The following ZNF407 variants were observed in gnomAD, a reference collection of about 807,000 sequenced individuals.
ZNF407 encodes zinc finger protein 407.
In ZNF407, 17 loss-of-function variants were observed where a neutral mutation model predicts 131.2. The observed-to-expected ratio is 0.13, with a 90% confidence interval of 0.09 to 0.19. ZNF407 has a LOEUF of 0.19. ZNF407 is among the 10% of genes least tolerant of loss of function. ZNF407 has a pLI of 1.00. For synonymous variants in ZNF407, 1,156 were observed against 1,062.0 expected, an observed-to-expected ratio of 1.09 and a Z score of -1.72; for missense variants, 2,681 against 2,830.6, an observed-to-expected ratio of 0.95 and a Z score of 1.20.
At chr18:74,749,494 C>G (rs1209224158) in intron 3 of ZNF407, among the ~76,000 whole-genome samples, 1 of 152,084 alleles carries the variant, frequency 6.6e-6, no homozygotes, top group Non-Finnish European at 1.5e-5. Flanking sequence ...TGTAGATGAT[C>G]ATAAAACCTA....
chr18:74,878,229 G>A (rs573819453), intron 5 of ZNF407, among the ~76,000 whole-genome samples: 1 of 152,026 alleles, frequency 6.6e-6, no homozygotes, highest in Non-Finnish European at 1.5e-5. Context: ...CCTGTGAGCT[G>A]TTTGATATTT....
Position 74,714,746 on chromosome 18 carries a change from T to C in ZNF407, c.4803-66682T>C, listed in dbSNP as rs75183990. ...ATATTCACCACCTGGAAATAAGATT[T>C]GTCAGCACTTAGTTTTCTCATAGTA... On this transcript the variant is annotated intron_variant, in intron 3 of 8. Transcript: ENST00000299687. 6.7e-3 allele frequency among the ~76,000 whole-genome samples: 1,023 copies of C among 152,322 alleles called. 36 individuals are homozygous for C. In the East Asian group the frequency reaches 0.082, roughly 12 times the overall value.
intron 1 of ZNF407, among the ~76,000 whole-genome samples, chr18:74,630,022 G>C (rs1344718452): frequency 6.6e-6 from 1 of 152,094 alleles, no homozygotes; most frequent in Non-Finnish European, 1.5e-5. Context: ...TTGACAGCTG[G>C]ACTAGAAGTG....
chr18:75,048,096 CA>C lies in ZNF407; in HGVS notation c.5429-15052del, dbSNP rs1355203878. On this transcript the variant is annotated intron_variant, in intron 8 of 8. Coordinates refer to ENST00000299687, the MANE Select transcript of ZNF407 (RefSeq NM_017757.3). The surrounding 1 kb of genome is among the most constrained non-coding windows in gnomAD (Gnocchi z 4.1). ...ATTCATAACTCGTTAACCACGTGCT[CA>C]AGAGGAAAATGACCAGAATCATAGA... Among the ~76,000 whole-genome samples the C allele has an allele frequency of 6.6e-6, 1 of 152,092 alleles. No homozygotes were observed. The highest frequency in any genetic ancestry group is 1.5e-5 in the Non-Finnish European group (1 of 68,010).
At chr18:74,706,990 C>T (rs1389324112) in intron 3 of ZNF407, among the ~76,000 whole-genome samples, 3 of 142,308 alleles carry the variant, frequency 2.1e-5, no homozygotes, top group African/African-American at 5.5e-5. Context: ...CACGCATTGT[C>T]GCCCAGGCTG....
chr18:74,603,667 C>T (rs972103178), intron 1 of ZNF407, among the ~76,000 whole-genome samples: 8 of 152,200 alleles, frequency 5.3e-5, no homozygotes, highest in Non-Finnish European at 1.2e-4. Context: ...ATTCATTCCA[C>T]ATCTTTCTTT....
At chr18:74,988,445 AC>A (rs1384659691) in intron 8 of ZNF407, among the ~76,000 whole-genome samples, 1 of 151,492 alleles carries the variant, frequency 6.6e-6, no homozygotes, top group Non-Finnish European at 1.5e-5. Context: ...TTCAAAAGAT[AC>A]TGTTAAGAAA....
chr18:75,025,679 G>C (rs1010421221), intron 8 of ZNF407, among the ~76,000 whole-genome samples: 3 of 152,156 alleles, frequency 2.0e-5, no homozygotes, highest in Admixed American at 2.0e-4. Flanking sequence ...TGTTTGGTAT[G>C]GGGGAACAAA....
chr18:74,795,118 T>C (rs974439092), intron 4 of ZNF407, among the ~76,000 whole-genome samples: 1 of 152,140 alleles, frequency 6.6e-6, no homozygotes, highest in Non-Finnish European at 1.5e-5. Flanking sequence ...ATGTAAAGTA[T>C]AAAACAAGAC....
chr18:74,625,351 T>A (rs1391306874), intron 1 of ZNF407, among the ~76,000 whole-genome samples: 2 of 152,274 alleles, frequency 1.3e-5, no homozygotes, highest in East Asian at 3.9e-4. Context: ...TGTGTGTGTG[T>A]GTGTGCCTGT....
intron 1 of ZNF407, among the ~76,000 whole-genome samples, chr18:74,617,793 A>G (rs1983379402): frequency 6.6e-6 from 1 of 152,192 alleles, no homozygotes. Context: ...CCTTGTAACT[A>G]ATAAGCAGGT....
chr18:74,617,185 C>CATATCCAT (rs1983351846), intron 1 of ZNF407, among the ~76,000 whole-genome samples: 16 of 149,540 alleles, frequency 1.1e-4, no homozygotes, highest in South Asian at 4.3e-4. Flanking sequence ...TATCCACACA[C>CATATCCAT]ATCGACACAC....
At chr18:74,797,550 C>T (rs1969942888) in intron 4 of ZNF407, among the ~76,000 whole-genome samples, 2 of 152,174 alleles carry the variant, frequency 1.3e-5, no homozygotes, top group African/African-American at 4.8e-5. Context: ...TAGCCTGCTG[C>T]AGAATTGTAT....
intron 4 of ZNF407, among the ~76,000 whole-genome samples, chr18:74,866,065 C>A (rs575597073): frequency 6.6e-6 from 1 of 152,118 alleles, no homozygotes; most frequent in Non-Finnish European, 1.5e-5. Context: ...CTTGAACTTA[C>A]GATTTACCAA....
At chr18:74,663,222 T>A (rs1293353907) in intron 3 of ZNF407, among the ~76,000 whole-genome samples, 1 of 152,150 alleles carries the variant, frequency 6.6e-6, no homozygotes, top group African/African-American at 2.4e-5. Flanking sequence ...GAACGTCCAT[T>A]TTAGATGCTT....
At chr18:74,689,177 C>G (rs1271789595) in intron 3 of ZNF407, among the ~76,000 whole-genome samples, 2 of 152,074 alleles carry the variant, frequency 1.3e-5, no homozygotes, top group Admixed American at 1.3e-4. Context: ...TCAGTGTTTT[C>G]TGGTTTTCTG....
chr18:74,705,053 A>T (rs1967592526), intron 3 of ZNF407, among the ~76,000 whole-genome samples: 1 of 151,222 alleles, frequency 6.6e-6, no homozygotes, highest in Admixed American at 6.6e-5. Context: ...TATCTGAAAT[A>T]TATTCTGCTC....
chr18:74,732,045 A>AC (rs1356922535), intron 3 of ZNF407, among the ~76,000 whole-genome samples: 1 of 152,152 alleles, frequency 6.6e-6, no homozygotes, highest in African/African-American at 2.4e-5. Flanking sequence ...ATACAAAGTA[A>AC]CCTAGGTAGG....
chr18:74,732,199 G>A (rs953183534), intron 3 of ZNF407, among the ~76,000 whole-genome samples: 4 of 152,104 alleles, frequency 2.6e-5, no homozygotes, highest in Non-Finnish European at 5.9e-5. Flanking sequence ...AAATGAATGG[G>A]GAACGTCAGA....
Sources: gnomAD v4.1 joint callset for allele counts (sites outside exome capture counted in the v4.1 genomes callset) on GRCh38, gnomAD v4.1.1 for gene constraint, Gnocchi (gnomAD v3.1) non-coding constraint, MANE v1.5 for transcripts, NCBI Gene and HGNC (gene_info 2026-07-23, HGNC 2026-07-21) for gene names.